EVC2: variants seen among roughly 807,000 people sequenced by gnomAD.
The protein encoded by EVC2 is EvC ciliary complex subunit 2, also known as limbin.
Under a neutral mutation model 149.3 loss-of-function variants are expected in EVC2, and 148 were observed. The ratio of observed to expected loss-of-function variants is 0.99; its 90% CI spans 0.87 to 1.14. The LOEUF is 1.14. EVC2 is among the 50% of genes most tolerant of loss of function. The pLI is 0.00. For missense variants in EVC2, 1,854 were observed against 1,627.3 expected (o/e 1.14, Z -2.40); for synonymous variants, 776 against 649.9 (o/e 1.19, Z -2.95).
intron 16 of EVC2, among the ~76,000 whole-genome samples, chr4:5,612,999 G>C (rs1013222436): frequency 1.3e-5 from 2 of 151,948 alleles, no homozygotes; most frequent in Non-Finnish European, 2.9e-5. Flanking sequence ...GGCCAGGGAG[G>C]GGTTATGGAG....
downstream of EVC2, among the ~76,000 whole-genome samples, chr4:5,560,206 T>C (rs1158423328): frequency 6.6e-6 from 1 of 152,032 alleles, no homozygotes; most frequent in Non-Finnish European, 1.5e-5. This position sits in a 1 kb window ranked among gnomAD's most constrained non-coding sequence, Gnocchi z 4.1. Context: ...AGCTTCTCTC[T>C]CATGAGTAGG....
chr4:5,561,745 T>C (rs1721968149), downstream of EVC2, among the ~76,000 whole-genome samples: 2 of 152,196 alleles, frequency 1.3e-5, no homozygotes, highest in South Asian at 2.1e-4. Context: ...TCAGCTTCCT[T>C]GGCAGTAAAA....
chr4:5,671,670 C>T (rs1318891439), intron 7 of EVC2, among the ~76,000 whole-genome samples: 1 of 152,128 alleles, frequency 6.6e-6, no homozygotes, highest in Admixed American at 6.6e-5. Context: ...TGCCACCATG[C>T]CCAGCTAATT....
chr4:5,682,534 T>G (rs1002043669), intron 6 of EVC2, among the ~76,000 whole-genome samples: 1 of 148,866 alleles, frequency 6.7e-6, no homozygotes, highest in African/African-American at 2.5e-5. Context: ...TTAAAAGCAA[T>G]AGCAATAGTA....
chr4:5,555,607 C>A (rs936360343), intron 21 of EVC2, among the ~76,000 whole-genome samples: 4 of 152,094 alleles, frequency 2.6e-5, no homozygotes, highest in African/African-American at 9.7e-5. Context: ...CATATATAAG[C>A]ATAATATGAA....
At chr4:5,643,637 C>T (rs971941343) in intron 9 of EVC2, among the ~76,000 whole-genome samples, 5 of 152,154 alleles carry the variant, frequency 3.3e-5, no homozygotes, top group Non-Finnish European at 7.4e-5. Flanking sequence ...ATATTTAAAA[C>T]AGGCTGGGTG....
chr4:5,708,596 G>C (rs1410560919), upstream of EVC2: 10 of 1,058,900 alleles, frequency 9.4e-6, no homozygotes, highest in Admixed American at 3.3e-4. Context: ...CCCCGCCGCC[G>C]AGCATGCTCA....
rs961972287 is a variant in EVC2, at chr4:5,632,121, GCACA to G, written c.1471-93_1471-90del. 1.9e-5 allele frequency: 29 copies of G among 1,506,024 alleles called. No homozygotes were observed. The South Asian group carries it at 2.7e-4, about 14-fold the overall frequency. The allele number at this position is 1,506,024 out of a possible 1,614,324, so 93.3% of individuals were successfully genotyped here. On this transcript the variant is annotated intron_variant, in intron 10 of 21. Coordinates refer to ENST00000344408, the MANE Select transcript of EVC2 (RefSeq NM_147127.5). ...CAATGCAATGTGTACAGGCACATGT[GCACA>G]CACAATGTGTACATGAACACACAGA...
At position 5,685,458 on chromosome 4, in the gene EVC2, C is replaced by A; in HGVS notation, c.728G>T (p.Ser243Ile). ...FLQVGDAFAV[S>I]YAATLQAGDL... ...TCCAGCCTGGAGCGTGGCTGCGTAG[C>A]TGACAGCAAAGGCATCTCCCACTGC... The change falls in exon 6 of 22, where the codon AGC (serine) becomes ATC (isoleucine). Residue 243 changes from serine to isoleucine, a missense_variant. By Grantham distance (142) the Ser-to-Ile change is moderately radical (BLOSUM62 -2). Coordinates refer to ENST00000344408, the MANE Select transcript of EVC2 (RefSeq NM_147127.5). 6.2e-7 allele frequency: 1 copy of A among 1,614,194 alleles called. No individual in the cohort carries two copies.
At chr4:5,610,238 A>G (rs1032286653) in intron 16 of EVC2, among the ~76,000 whole-genome samples, 1 of 152,192 alleles carries the variant, frequency 6.6e-6, no homozygotes, top group African/African-American at 2.4e-5. Flanking sequence ...GATGGCTCAT[A>G]TGTACACACA....
chr4:5,542,959 T>C (rs1721543328), intron 22 of EVC2: 1 of 377,762 alleles, frequency 2.6e-6, no homozygotes, highest in Non-Finnish European at 5.0e-6. Context: ...TGCCCTGCAA[T>C]GTAAACAAGT....
At chr4:5,597,286 A>G (rs1352288838) in intron 16 of EVC2, among the ~76,000 whole-genome samples, 1 of 152,216 alleles carries the variant, frequency 6.6e-6, no homozygotes. Context: ...TTAGACCAAT[A>G]TCCTTGATGA....
intron 19 of EVC2, among the ~76,000 whole-genome samples, chr4:5,572,476 T>C (rs1028411157): frequency 6.6e-6 from 1 of 152,174 alleles, no homozygotes; most frequent in African/African-American, 2.4e-5. Context: ...CCATCCCCTC[T>C]GCCACATAAG....
intron 9 of EVC2, among the ~76,000 whole-genome samples, chr4:5,651,099 G>C (rs1718111165): frequency 6.6e-6 from 1 of 152,178 alleles, no homozygotes; most frequent in Admixed American, 6.5e-5. Context: ...TGGAAGAATG[G>C]ATGAATGGAT....
At position 5,579,345 on chromosome 4, in the gene EVC2, A is replaced by G. The variant is rs947441640; in HGVS notation, c.3058-2891T>C. Among the ~76,000 whole-genome samples, 4 of 152,194 alleles carry G rather than the reference A, an allele frequency of 2.6e-5. No individual in the cohort carries two copies. In the South Asian group the frequency reaches 8.3e-4, roughly 32 times the overall value. The stretch of plus-strand genomic sequence containing the variant: ...GGTATGAAAATGTCATGGGATGGAC[A>G]TGAGGTTTAAACACTTAGCCCACTG... On this transcript the variant is annotated intron_variant, in intron 17 of 21. Transcript: ENST00000344408.
At chr4:5,680,611 T>G (rs1022067078) in intron 7 of EVC2, among the ~76,000 whole-genome samples, 3 of 152,200 alleles carry the variant, frequency 2.0e-5, no homozygotes, top group African/African-American at 7.2e-5. Flanking sequence ...CATGGGATAC[T>G]GGGCAAATCA....
At chr4:5,664,931 C>CTGCGTGTGGGTGACGGGG (rs1719157709) in intron 8 of EVC2, among the ~76,000 whole-genome samples, 1 of 147,936 alleles carries the variant, frequency 6.8e-6, no homozygotes, top group Admixed American at 6.7e-5. Context: ...GGGTGACGGG[C>CTGCGTGTGGGTGACGGGG]TGCGTGTGGG....
At chr4:5,590,879 G>A (rs541192843) in intron 16 of EVC2, among the ~76,000 whole-genome samples, 1 of 152,116 alleles carries the variant, frequency 6.6e-6, no homozygotes, top group Admixed American at 6.5e-5. Flanking sequence ...TGGCAGAAGG[G>A]GAAGCAAACA....
intron 7 of EVC2, among the ~76,000 whole-genome samples, chr4:5,675,692 C>A (rs1328536985): frequency 6.6e-6 from 1 of 152,104 alleles, no homozygotes; most frequent in Non-Finnish European, 1.5e-5. Context: ...TGCCTGTAAT[C>A]CCAGCACTTT....
Sources: allele counts gnomAD v4.1 joint callset (sites outside exome capture counted in the v4.1 genomes callset), GRCh38; gene constraint gnomAD v4.1.1; non-coding constraint Gnocchi (gnomAD v3.1); transcripts MANE v1.5; gene names NCBI Gene and HGNC (gene_info 2026-07-23, HGNC 2026-07-21).